The following CBFA2T2 variants were observed in gnomAD, a reference collection of about 807,000 sequenced individuals.
The protein encoded by CBFA2T2 is protein CBFA2T2.
A neutral mutation model predicts 62.2 loss-of-function variants in CBFA2T2; 11 were observed. That is an observed-to-expected ratio of 0.18 (90% confidence interval 0.11 to 0.29). The LOEUF is 0.29. CBFA2T2 is among the 10% of genes least tolerant of loss of function. The pLI, the probability that CBFA2T2 is intolerant of heterozygous loss-of-function variation, is 1.00. For missense variants in CBFA2T2, 592 were observed against 774.1 expected, an observed-to-expected ratio of 0.76 and a Z score of 2.79; for synonymous variants, 295 against 287.5, an observed-to-expected ratio of 1.03 and a Z score of -0.27.
At chr20:33,588,199 A>C (rs778982784) in intron 1 of CBFA2T2, among the ~76,000 whole-genome samples, 10 of 151,964 alleles carry the variant, frequency 6.6e-5, no homozygotes, top group Non-Finnish European at 8.8e-5. Context: ...TGACCCCTTT[A>C]TTATTATTTT....
chr20:33,530,937 G>A (rs538878409), intron 1 of CBFA2T2, among the ~76,000 whole-genome samples: 7 of 152,158 alleles, frequency 4.6e-5, no homozygotes, highest in African/African-American at 1.2e-4. Context: ...AAAATTAGCC[G>A]GGTGTGGTGG....
chr20:33,563,483 C>T (rs1300520636), intron 1 of CBFA2T2, among the ~76,000 whole-genome samples: 1 of 152,114 alleles, frequency 6.6e-6, no homozygotes, highest in Non-Finnish European at 1.5e-5. Flanking sequence ...GTTGGGATTG[C>T]AGGCATGAGC....
intron 1 of CBFA2T2, among the ~76,000 whole-genome samples, chr20:33,600,182 GTTTTTTTTTT>G (rs1183371343): frequency 1.3e-3 from 78 of 62,058 alleles, no homozygotes; most frequent in African/African-American, 4.8e-3. Context: ...CTTTTGGAAA[GTTTTTTTTTT>G]TTTTTTTTTT....
chr20:33,521,203 A>G (rs1240979890), intron 1 of CBFA2T2, among the ~76,000 whole-genome samples: 1 of 152,194 alleles, frequency 6.6e-6, no homozygotes, highest in East Asian at 1.9e-4. Flanking sequence ...CCATTCATTT[A>G]GCACATTTAC....
intron 1 of CBFA2T2, among the ~76,000 whole-genome samples, chr20:33,560,451 T>C (rs534077363): frequency 6.6e-6 from 1 of 152,364 alleles, no homozygotes; most frequent in African/African-American, 2.4e-5. Flanking sequence ...ACCTACCTTA[T>C]AGGCCCTTTA....
At position 33,537,080 on chromosome 20, in the gene CBFA2T2, C is replaced by T. The variant is rs539090328; in HGVS notation, c.34+46779C>T. Among the ~76,000 whole-genome samples the T allele has an allele frequency of 3.3e-5, 5 of 152,280 alleles. No individual in the cohort carries two copies. In the South Asian group the frequency reaches 8.3e-4, roughly 25 times the overall value. On this transcript the variant is annotated intron_variant, in intron 1 of 10. Coordinates refer to ENST00000342704, the MANE Select transcript of CBFA2T2 (RefSeq NM_001032999.3). ...GCAGAGATGCTCCTCACTTCCTAGA[C>T]GGGGTGGTGGCCGGGCAGAGGCTGC...
intron 1 of CBFA2T2, among the ~76,000 whole-genome samples, chr20:33,567,470 C>T (rs2013373751): frequency 6.6e-6 from 1 of 152,030 alleles, no homozygotes; most frequent in Non-Finnish European, 1.5e-5. Flanking sequence ...CTAAGACATT[C>T]TGAGAGAGAG....
intron 1 of CBFA2T2, among the ~76,000 whole-genome samples, chr20:33,579,993 T>G (rs1472885755): frequency 2.0e-5 from 3 of 152,092 alleles, no homozygotes. Context: ...TTTGTATTTT[T>G]TTTAGTAGAG....
chr20:33,631,431 C>T (rs1231642656), intron 8 of CBFA2T2, among the ~76,000 whole-genome samples: 5 of 152,212 alleles, frequency 3.3e-5, no homozygotes, highest in East Asian at 1.9e-4. Context: ...CTTTTGGAGA[C>T]GTAGCTAAAG....
chr20:33,584,259 CT>C (rs1233432686), intron 1 of CBFA2T2, among the ~76,000 whole-genome samples: 42 of 139,506 alleles, frequency 3.0e-4, no homozygotes, highest in Non-Finnish European at 4.4e-4. Flanking sequence ...GATTAAGTGA[CT>C]TTTTTTTTTC....
At position 33,623,242 on chromosome 20, in the gene CBFA2T2, C is replaced by T; in HGVS notation, c.638C>T (p.Ser213Leu). The T allele has an allele frequency of 6.2e-7, 1 of 1,614,216 alleles. No individual in the cohort carries two copies. Among genetic ancestry groups the T allele is most frequent in the Non-Finnish European group, 8.5e-7 (1 of 1,180,044 alleles). ...ACAAGCATTGCATCGCCTGCTGACTCGTCAGAGTTGCTCATGGAGGTGCAC... is the reference window on the plus strand; with the variant it reads ...ACAAGCATTGCATCGCCTGCTGACTTGTCAGAGTTGCTCATGGAGGTGCAC... ...LNTSIASPAD[S>L]SELLMEVHGN... is the part of the protein sequence containing the mutation. The change falls in exon 5 of 11, where the codon TCG becomes TTG. Residue 213 changes from serine to leucine, a missense_variant. Ser to Leu is a moderately radical substitution (Grantham distance 145). Around this residue, in one of 3 missense-constraint regions of CBFA2T2, gnomAD observed 449 missense variants for 551.2 expected, o/e 0.81. Coordinates refer to ENST00000342704, the MANE Select transcript of CBFA2T2 (RefSeq NM_001032999.3).
At chr20:33,549,794 T>G (rs1429239444) in intron 1 of CBFA2T2, among the ~76,000 whole-genome samples, 1 of 151,808 alleles carries the variant, frequency 6.6e-6, no homozygotes, top group Non-Finnish European at 1.5e-5. Flanking sequence ...TTTCCCCTGC[T>G]GCAAAGGAGT....
rs1415481450 is a variant in CBFA2T2 at position 33,579,073 on chromosome 20, A to C, written c.35-27883A>C. ...AACATGCACAGATACTAAGTGTTCAACCCAATGAGTGCCTTTTTGGTTTTT... is the reference window on the plus strand; with the variant it reads ...AACATGCACAGATACTAAGTGTTCACCCCAATGAGTGCCTTTTTGGTTTTT... On this transcript the variant is annotated intron_variant, in intron 1 of 10. Coordinates refer to ENST00000342704, the MANE Select transcript of CBFA2T2 (RefSeq NM_001032999.3). Among the ~76,000 whole-genome samples, 19 of 150,902 alleles carry C rather than the reference A, an allele frequency of 1.3e-4. No individual in the cohort carries two copies. In the Admixed American group the frequency reaches 1.3e-3, roughly 10 times the overall value.
intron 8 of CBFA2T2, among the ~76,000 whole-genome samples, chr20:33,633,391 A>G (rs992930685): frequency 3.3e-5 from 5 of 152,092 alleles, no homozygotes; most frequent in Admixed American, 6.5e-5. Flanking sequence ...TAAATAAATA[A>G]ATAAATAAAT....
At chr20:33,537,826 G>A (rs2012307306) in intron 1 of CBFA2T2, among the ~76,000 whole-genome samples, 1 of 151,940 alleles carries the variant, frequency 6.6e-6, no homozygotes, top group African/African-American at 2.4e-5. Context: ...TCTGTTTCTG[G>A]ACTCTGTTCC....
chr20:33,632,688 C>T (rs1412327954), intron 8 of CBFA2T2, among the ~76,000 whole-genome samples: 2 of 151,548 alleles, frequency 1.3e-5, no homozygotes, highest in African/African-American at 4.9e-5. Flanking sequence ...ACCTTGTGAT[C>T]CACCCGCCTC....
intron 1 of CBFA2T2, among the ~76,000 whole-genome samples, chr20:33,555,270 T>A (rs1019369222): frequency 2.1e-4 from 30 of 141,884 alleles, no homozygotes; most frequent in African/African-American, 5.1e-4. Flanking sequence ...CTGCCCAATT[T>A]AAAAAAAAAA....
intron 1 of CBFA2T2, among the ~76,000 whole-genome samples, chr20:33,582,856 C>T (rs967497280): frequency 6.6e-6 from 1 of 152,032 alleles, no homozygotes; most frequent in African/African-American, 2.4e-5. Context: ...GCAGGAGAAT[C>T]ACTTGAACCC....
Position 33,490,107 on chromosome 20 carries a change from C to A in CBFA2T2, c.-161C>A. Reference sequence around the variant, plus strand: ...GGCCTAACGGCGGCGGCGGCGGCGGCGACGGCGACAGCAGCGGTGGTGGTG... The same window carrying A: ...GGCCTAACGGCGGCGGCGGCGGCGGAGACGGCGACAGCAGCGGTGGTGGTG... On this transcript the variant is annotated 5_prime_UTR_variant, in exon 1 of 11. Transcript: ENST00000342704. 1 of 700,114 alleles carries A rather than the reference C, an allele frequency of 1.4e-6. No individual in the cohort carries two copies. The highest frequency in any genetic ancestry group is 1.9e-6 in the Non-Finnish European group (1 of 537,538). 43.4% of individuals were successfully genotyped at this position (700,114 alleles called of 1,614,324 possible).
Sources: allele counts gnomAD v4.1 joint callset (sites outside exome capture counted in the v4.1 genomes callset), GRCh38; gene constraint gnomAD v4.1.1; regional missense constraint gnomAD v4.1.1; transcripts MANE v1.5; gene names NCBI Gene and HGNC (gene_info 2026-07-23, HGNC 2026-07-21).